FAM227B: variants seen among roughly 807,000 people sequenced by gnomAD.
FAM227B encodes family with sequence similarity 227 member B.
Under a neutral mutation model 73.8 loss-of-function variants are expected in FAM227B, and 88 were observed. That is an observed-to-expected ratio of 1.19 (90% CI 1.00 to 1.42). FAM227B has a LOEUF of 1.42. Ranked by LOEUF, FAM227B falls within the 40% of genes most tolerant of loss-of-function variation. The pLI, the probability that FAM227B is intolerant of heterozygous loss-of-function variation, is 0.00. For missense variants in FAM227B, 632 were observed against 590.9 expected (o/e 1.07, Z -0.72); for synonymous variants, 210 against 190.5 (o/e 1.10, Z -0.84).
chr15:49,527,279 A>G (rs1243559256), intron 10 of FAM227B, among the ~76,000 whole-genome samples: 2 of 152,018 alleles, frequency 1.3e-5, no homozygotes, highest in African/African-American at 2.4e-5. Context: ...AGAATTAAAA[A>G]CAAAAACCAT....
chr15:49,443,244 T>C (rs2151847047), intron 11 of FAM227B, among the ~76,000 whole-genome samples: 1 of 151,804 alleles, frequency 6.6e-6, no homozygotes, highest in Admixed American at 6.6e-5. Context: ...AAAAGAAAAG[T>C]AATAAATACT....
chr15:49,613,362 AC>A (rs2078076928), intron 2 of FAM227B, among the ~76,000 whole-genome samples: 1 of 152,130 alleles, frequency 6.6e-6, no homozygotes, highest in Non-Finnish European at 1.5e-5. Flanking sequence ...TTATAAAAAT[AC>A]AAAAAAATTA....
intron 1 of FAM227B, among the ~76,000 whole-genome samples, chr15:49,615,974 T>A (rs2078264867): frequency 1.3e-5 from 2 of 152,242 alleles, no homozygotes; most frequent in African/African-American, 4.8e-5. Context: ...TCTATTTTTT[T>A]CTATTATCTG....
At chr15:49,547,467 T>C (rs1423298030) in intron 9 of FAM227B, among the ~76,000 whole-genome samples, 1 of 152,072 alleles carries the variant, frequency 6.6e-6, no homozygotes, top group African/African-American at 2.4e-5. Flanking sequence ...ATGCTCCAAT[T>C]AAAAAACACA....
At chr15:49,554,343 T>C (rs2073403490) in intron 9 of FAM227B, among the ~76,000 whole-genome samples, 1 of 152,184 alleles carries the variant, frequency 6.6e-6, no homozygotes, top group African/African-American at 2.4e-5. Flanking sequence ...CAGTCCATTG[T>C]CTCTGGACCT....
intron 11 of FAM227B, among the ~76,000 whole-genome samples, chr15:49,409,480 A>AT (rs923446026): frequency 3.3e-5 from 5 of 150,868 alleles, no homozygotes; most frequent in African/African-American, 1.2e-4. Flanking sequence ...GTACTCTTTT[A>AT]TTACTGTTCC....
chr15:49,384,748 A>G (rs1303143995), intron 11 of FAM227B, among the ~76,000 whole-genome samples: 2 of 152,042 alleles, frequency 1.3e-5, no homozygotes, highest in Non-Finnish European at 2.9e-5. Context: ...TATAGATCCA[A>G]GATTTAAAAT....
intron 10 of FAM227B, among the ~76,000 whole-genome samples, chr15:49,511,618 T>A (rs1223246054): frequency 2.0e-5 from 3 of 152,084 alleles, no homozygotes; most frequent in Non-Finnish European, 4.4e-5. Flanking sequence ...TCCCTCTGCA[T>A]CCCCAATAGG....
chr15:49,489,840 TTTATATATATATATATATTTTATATA>T (rs1567382201), intron 11 of FAM227B, among the ~76,000 whole-genome samples: 3 of 21,834 alleles, frequency 1.4e-4, no homozygotes, highest in African/African-American at 1.7e-4. Context: ...ATATATATAT[TTTATATATATATATATATTTTATATA>T]TATATATATA....
At chr15:49,619,257 A>C (rs1449737424) in intron 1 of FAM227B, among the ~76,000 whole-genome samples, 1 of 152,228 alleles carries the variant, frequency 6.6e-6, no homozygotes, top group Non-Finnish European at 1.5e-5. Flanking sequence ...ATGGACAAGA[A>C]ATCTTTGCCA....
chr15:49,484,053 G>T (rs561260474), intron 11 of FAM227B, among the ~76,000 whole-genome samples: 1 of 152,086 alleles, frequency 6.6e-6, no homozygotes, highest in East Asian at 1.9e-4. Context: ...TAGTTGACAT[G>T]AACTTCCAAA....
intron 10 of FAM227B, among the ~76,000 whole-genome samples, chr15:49,536,252 C>T (rs150098699): frequency 4.6e-4 from 70 of 151,722 alleles, no homozygotes; most frequent in African/African-American, 1.6e-3. Flanking sequence ...AGTCAATATA[C>T]AATAACCAAT....
intron 11 of FAM227B, among the ~76,000 whole-genome samples, chr15:49,497,453 T>A (rs1361157167): frequency 6.6e-6 from 1 of 152,144 alleles, no homozygotes; most frequent in Non-Finnish European, 1.5e-5. Flanking sequence ...AGGATAGGAA[T>A]GTTTCAGTTT....
In FAM227B at chr15:49,420,381, G is replaced by A. The variant is rs140284597; in HGVS notation, c.1013-48982C>T. On this transcript the variant is annotated intron_variant, in intron 11 of 15. Coordinates refer to ENST00000299338, the MANE Select transcript of FAM227B (RefSeq NM_152647.3). The stretch of plus-strand genomic sequence containing the variant: ...ATGTGAGAAGCTTCCTAAATAATGA[G>A]ATAGGAAGATTTTTCTGTTAAAAAA... Among the ~76,000 whole-genome samples, 1,125 of 151,712 alleles carry A rather than the reference G, an allele frequency of 7.4e-3. 28 individuals carry two copies. The highest frequency in any genetic ancestry group is 0.026 in the African/African-American group (1,076 of 41,332).
At chr15:49,494,289 A>ACACACACACACACC (rs71432294) in intron 11 of FAM227B, among the ~76,000 whole-genome samples, 2 of 144,372 alleles carry the variant, frequency 1.4e-5, no homozygotes, top group African/African-American at 4.9e-5. Context: ...ACACACACAC[A>ACACACACACACACC]CCCTAAACAT....
At chr15:49,479,597 CTGTTTTTTTTTT>C (rs1310401168) in intron 11 of FAM227B, among the ~76,000 whole-genome samples, 2 of 102,078 alleles carry the variant, frequency 2.0e-5, no homozygotes, top group Non-Finnish European at 3.7e-5. Context: ...GTTAATACCT[CTGTTTTTTTTTT>C]TTTTTTTTTT....
intron 11 of FAM227B, among the ~76,000 whole-genome samples, chr15:49,445,614 T>C (rs1266355022): frequency 6.6e-6 from 1 of 151,570 alleles, no homozygotes; most frequent in Non-Finnish European, 1.5e-5. Context: ...ACACTGTATA[T>C]ATGAAAACAT....
chr15:49,396,361 C>G (rs1445013987), intron 11 of FAM227B: 2 of 273,478 alleles, frequency 7.3e-6, no homozygotes, highest in East Asian at 2.7e-4. Context: ...CACGGAGTCT[C>G]GCTGATTGCT....
chr15:49,505,353 A>G (rs2152106794), intron 11 of FAM227B, among the ~76,000 whole-genome samples: 1 of 152,298 alleles, frequency 6.6e-6, no homozygotes, highest in South Asian at 2.1e-4. Context: ...TACATACGTC[A>G]AAACTCATCA....
Sources: gnomAD v4.1 joint callset for allele counts (sites outside exome capture counted in the v4.1 genomes callset) on GRCh38, gnomAD v4.1.1 for gene constraint, MANE v1.5 for transcripts, NCBI Gene and HGNC (gene_info 2026-07-23, HGNC 2026-07-21) for gene names.